KCNAB2: variants seen among roughly 807,000 people sequenced by gnomAD.
KCNAB2 encodes the protein voltage-gated potassium channel subunit beta-2.
KCNAB2 carries 29 observed loss-of-function variants against 63.6 expected under a neutral mutation model. The observed-to-expected ratio is 0.46, with a 90% CI of 0.34 to 0.62. KCNAB2 has a LOEUF of 0.62. Ranked by LOEUF, KCNAB2 falls within the 20% of genes least tolerant of loss-of-function variation. The probability of loss-of-function intolerance (pLI) is 0.01; values close to 1 mark genes in which losing one functional copy is unlikely to be tolerated. For synonymous variants in KCNAB2, 222 were observed against 224.2 expected (o/e 0.99, Z 0.09); for missense variants, 359 against 563.9 (o/e 0.64, Z 3.68).
rs3789534 is a variant in KCNAB2 at position 6,084,586 on chromosome 1, T to C, written c.381-618T>C. Among the ~76,000 whole-genome samples the C allele has an allele frequency of 4.5e-4, 69 of 152,270 alleles. 3 individuals are homozygous for C. The East Asian group carries it at 0.011, about 25-fold the overall frequency. ...ATCCCAGCACTTTGGGAGGCCACAG[T>C]GGGCGGATCACTCGAGATGAGGAGT... is the stretch of plus-strand genomic sequence containing the variant. On this transcript the variant is annotated intron_variant, in intron 5 of 15. Coordinates refer to ENST00000378083, the MANE Select transcript of KCNAB2 (RefSeq NM_001199862.2).
intron 5 of KCNAB2, among the ~76,000 whole-genome samples, chr1:6,082,883 G>A (rs756125703): frequency 6.6e-6 from 1 of 152,172 alleles, no homozygotes; most frequent in African/African-American, 2.4e-5. Context: ...CCTGCCTGGG[G>A]CCAGCCAAGT....
chr1:6,097,401 C>T (rs374036488), intron 15 of KCNAB2, 44 bp downstream of exon 15: 19 of 1,548,816 alleles, frequency 1.2e-5, no homozygotes, highest in Admixed American at 9.8e-5. Flanking sequence ...CATCCCAGCC[C>T]GAGCCCCGTC....
At chr1:6,047,940 G>A (rs777783914) in intron 1 of KCNAB2, among the ~76,000 whole-genome samples, 8 of 152,196 alleles carry the variant, frequency 5.3e-5, no homozygotes, top group African/African-American at 1.2e-4. Flanking sequence ...GGCTCCCTCC[G>A]TGCCGCAGGG....
rs1424060136 is a variant in KCNAB2, at chr1:6,094,481, T to A, written c.728T>A (p.Ile243Asn). 1 of 1,609,680 alleles carries A rather than the reference T, an allele frequency of 6.2e-7. No homozygotes were observed. ...WGTSRWSSME[I>N]MEAYSVARQF... ...ACGTCACGCTGGAGCTCCATGGAGA[T>A]CATGGTACGGTGGCCGCGCAGCATG... is the stretch of plus-strand genomic sequence containing the variant. The change falls in exon 11 of 16, where the codon ATC (isoleucine) becomes AAC (asparagine). Residue 243 changes from isoleucine to asparagine, a missense_variant. Around this residue, in one of 2 missense-constraint regions of KCNAB2, gnomAD observed 271 missense variants for 476.1 expected, o/e 0.57. Transcript: ENST00000378083.
rs1571080894 is a variant in KCNAB2, at chr1:6,087,592, A to C, written c.470+81A>C. The stretch of plus-strand genomic sequence containing the variant: ...GCTCCCCAGAGACCCCTGACCTAGA[A>C]GGCTCCTGGGGTGGCGGGAGGACAG... On this transcript the variant is annotated intron_variant, in intron 7 of 15. Coordinates refer to ENST00000378083, the MANE Select transcript of KCNAB2 (RefSeq NM_001199862.2). The surrounding 1 kb of genome is among the most constrained non-coding windows in gnomAD (Gnocchi z 6.4). The C allele has an allele frequency of 3.4e-6, 5 of 1,474,410 alleles. No individual in the cohort carries two copies. The South Asian group carries it at 5.7e-5, about 17-fold the overall frequency. 91.3% of individuals were successfully genotyped at this position (1,474,410 alleles called of 1,614,324 possible). A position where few individuals can be genotyped will look rare whatever the true frequency, so the allele number is the denominator to read the frequency against.
chr1:6,012,200 AG>A (rs1340739634), intron 1 of KCNAB2, among the ~76,000 whole-genome samples: 1 of 140,834 alleles, frequency 7.1e-6, no homozygotes, highest in Non-Finnish European at 1.5e-5. Context: ...GTAATGGTGG[AG>A]GTGATGAAGG....
At chr1:5,997,025 C>T (rs561933779) in intron 1 of KCNAB2, among the ~76,000 whole-genome samples, 11 of 152,286 alleles carry the variant, frequency 7.2e-5, no homozygotes, top group Non-Finnish European at 1.3e-4. Context: ...CTAAGCCACA[C>T]GGATCATTCG....
At chr1:6,040,458 C>T in intron 1 of KCNAB2, 3 of 943,888 alleles carry the variant, frequency 3.2e-6, no homozygotes, top group Non-Finnish European at 5.1e-6. Context: ...CCGGCCAAAC[C>T]TGGTTGATCT....
chr1:6,040,513 C>A, intron 1 of KCNAB2: 1 of 1,497,326 alleles, frequency 6.7e-7, no homozygotes, highest in Non-Finnish European at 9.3e-7. Context: ...TGCTTTTCTT[C>A]CAGAATTTTC....
chr1:6,073,370 C>A lies in KCNAB2; in HGVS notation c.263-363C>A, dbSNP rs146650827. ...CTGTCCCAGCAGGAGCACGCAGACG[C>A]GGCTGTCAGACCTGGTGTGTTTTCA... is the stretch of plus-strand genomic sequence containing the variant. On this transcript the variant is annotated intron_variant, in intron 3 of 15. Coordinates refer to ENST00000378083, the MANE Select transcript of KCNAB2 (RefSeq NM_001199862.2). This position sits in a 1 kb window ranked among gnomAD's most constrained non-coding sequence, Gnocchi z 5.7. Among the ~76,000 whole-genome samples the A allele has an allele frequency of 6.6e-6, 1 of 152,158 alleles. No homozygotes were observed. Among genetic ancestry groups the A allele is most frequent in the South Asian group, 2.1e-4 (1 of 4,824 alleles).
upstream of KCNAB2, among the ~76,000 whole-genome samples, chr1:6,030,573 G>C (rs1659527354): frequency 6.6e-6 from 1 of 151,958 alleles, no homozygotes; most frequent in South Asian, 2.1e-4. Context: ...ATGTGTGTAT[G>C]TGTGTAGGTA....
At chr1:6,045,773 G>T, upstream of KCNAB2, 1 of 375,732 alleles carries the variant, frequency 2.7e-6, no homozygotes, top group Non-Finnish European at 3.7e-6. The surrounding 1 kb of genome is among the most constrained non-coding windows in gnomAD (Gnocchi z 4.8). Flanking sequence ...CGACCTGTGG[G>T]TCCAAAGGTT....
intron 1 of KCNAB2, among the ~76,000 whole-genome samples, chr1:6,023,812 G>A (rs949440259): frequency 1.7e-4 from 26 of 151,926 alleles, no homozygotes; most frequent in Non-Finnish European, 4.4e-5. Flanking sequence ...TTCTTATGTT[G>A]CCCAGGCTGG....
chr1:6,059,989 A>G (rs911659570), intron 2 of KCNAB2, among the ~76,000 whole-genome samples: 5 of 152,156 alleles, frequency 3.3e-5, no homozygotes, highest in Admixed American at 6.5e-5. Flanking sequence ...CAAGGCTCAC[A>G]TGTCCTGTCA....
intron 2 of KCNAB2, among the ~76,000 whole-genome samples, chr1:6,064,962 T>A (rs1024924865): frequency 6.6e-6 from 1 of 152,220 alleles, no homozygotes. Context: ...ACCTAAGTTT[T>A]ACTGGGAGTG....
intron 2 of KCNAB2, among the ~76,000 whole-genome samples, chr1:6,072,384 A>G (rs3789544): frequency 0.34 from 51,334 of 152,174 alleles, 10,590 homozygotes; most frequent in African/African-American, 0.58. Context: ...TTAGAGAGGA[A>G]GGAAGAAGGG....
chr1:6,094,337 TC>T (rs1244277843), intron 10 of KCNAB2, 62 bp from the exon 11 acceptor site: 1 of 1,265,146 alleles, frequency 7.9e-7, no homozygotes, highest in African/African-American at 1.5e-5. Context: ...TTGCAGAATG[TC>T]CCGAGGCTGG....
In KCNAB2 at chr1:6,046,374, C is replaced by T. The variant is rs557467330; in HGVS notation, c.-27+191C>T. 3.9e-5 allele frequency among the ~76,000 whole-genome samples: 6 copies of T among 152,272 alleles called. No individual in the cohort carries two copies. In the East Asian group the frequency reaches 5.8e-4, roughly 15 times the overall value. ...CAGCCTGAGGTAAACTTGGAATGAC[C>T]GTGATGGATGGGGTGGTGGGCGGCA... On this transcript the variant is annotated intron_variant, in intron 1 of 15. Coordinates refer to ENST00000378083, the MANE Select transcript of KCNAB2 (RefSeq NM_001199862.2).
Position 6,087,326 on chromosome 1 carries a change from A to T in KCNAB2, c.426-141A>T. 1 of 873,344 alleles carries T rather than the reference A, an allele frequency of 1.1e-6. No homozygotes were observed. The highest frequency in any genetic ancestry group is 1.9e-6 in the Non-Finnish European group (1 of 520,910). 54.1% of individuals were successfully genotyped at this position (873,344 alleles called of 1,614,324 possible). A position where few individuals can be genotyped will look rare whatever the true frequency, so the allele number is the denominator to read the frequency against. ...GCACGTGGTACACATCATATGATGG[A>T]GAAGTGCCCATTTCATGCCCCAGGC... is the stretch of plus-strand genomic sequence containing the variant. On this transcript the variant is annotated intron_variant, in intron 6 of 15. Transcript: ENST00000378083. This position sits in a 1 kb window ranked among gnomAD's most constrained non-coding sequence, Gnocchi z 6.4.
Sources: gnomAD v4.1 joint callset for allele counts (sites outside exome capture counted in the v4.1 genomes callset) on GRCh38, gnomAD v4.1.1 for gene constraint, gnomAD v4.1.1 regional missense constraint, Gnocchi (gnomAD v3.1) non-coding constraint, MANE v1.5 for transcripts, NCBI Gene and HGNC (gene_info 2026-07-23, HGNC 2026-07-21) for gene names.